Variants in CFAP44 observed in about 807,000 individuals in gnomAD.
CFAP44 encodes the protein cilia- and flagella-associated protein 44.
A neutral mutation model predicts 216.2 loss-of-function variants in CFAP44; 134 were observed. The ratio of observed to expected loss-of-function variants is 0.62; its 90% CI spans 0.54 to 0.72. CFAP44 has a LOEUF of 0.72. Among genes scored for constraint, CFAP44 ranks in the 30% least tolerant of loss-of-function variants. The pLI is 0.00. For synonymous variants in CFAP44, 700 were observed against 727.6 expected (o/e 0.96, Z 0.61); for missense variants, 2,035 against 2,182.1 (o/e 0.93, Z 1.34).
chr3:113,398,646 C>G (rs918856507), intron 13 of CFAP44, among the ~76,000 whole-genome samples: 1 of 152,196 alleles, frequency 6.6e-6, no homozygotes, highest in Non-Finnish European at 1.5e-5. Flanking sequence ...CTAGCCTCAT[C>G]ATGAAGATGG....
At chr3:113,352,045 G>A (rs754832526) in intron 22 of CFAP44, among the ~76,000 whole-genome samples, 2 of 152,088 alleles carry the variant, frequency 1.3e-5, no homozygotes. Context: ...AACAGCAGTT[G>A]GGGTGTCCTG....
At position 113,291,346 on chromosome 3, in the gene CFAP44, T is replaced by C. The variant is rs1356717189; in HGVS notation, c.*211A>G. ...GTAGGTTCGAAACATCTAAAATGATTCAGTTTCATAACAGAGGTTGGGTGC... is the reference window on the plus strand; with the variant it reads ...GTAGGTTCGAAACATCTAAAATGATCCAGTTTCATAACAGAGGTTGGGTGC... On this transcript the variant is annotated 3_prime_UTR_variant, in exon 35 of 35. Coordinates refer to ENST00000393845, the MANE Select transcript of CFAP44 (RefSeq NM_001164496.2). 1.3e-4 allele frequency: 66 copies of C among 524,312 alleles called. No individual in the cohort carries two copies. The highest frequency in any genetic ancestry group is 6.4e-5 in the Non-Finnish European group (19 of 298,670). The allele number at this position is 524,312 out of a possible 1,614,324, so 32.5% of individuals were successfully genotyped here.
chr3:113,338,073 G>C (rs1216609184), intron 24 of CFAP44, among the ~76,000 whole-genome samples: 1 of 151,624 alleles, frequency 6.6e-6, no homozygotes, highest in Non-Finnish European at 1.5e-5. Flanking sequence ...AACCAGCCTG[G>C]CCAACATGAT....
chr3:113,434,175 T>C (rs942657939), intron 1 of CFAP44, among the ~76,000 whole-genome samples: 3 of 152,106 alleles, frequency 2.0e-5, no homozygotes, highest in Non-Finnish European at 4.4e-5. Context: ...TTTATAAAGA[T>C]AGATATTAAA....
intron 15 of CFAP44, among the ~76,000 whole-genome samples, chr3:113,383,144 A>C (rs1933558335): frequency 6.6e-6 from 1 of 152,248 alleles, no homozygotes; most frequent in Non-Finnish European, 1.5e-5. Flanking sequence ...AGAGGGATAA[A>C]GGAAATCAGG....
Position 113,287,467 on chromosome 3 carries a change from ATG to A in CFAP44, c.*4088_*4089del, listed in dbSNP as rs1188468883. ...TTCCCTGTAACCTTCAAACTGAGTC[ATG>A]TGTGAGTCAGCATTTTCTTTACATG... is the stretch of plus-strand genomic sequence containing the variant. On this transcript the variant is annotated 3_prime_UTR_variant, in exon 35 of 35. Transcript: ENST00000393845. The A allele has an allele frequency of 6.5e-6, 1 of 153,048 alleles. No homozygotes were observed. The highest frequency in any genetic ancestry group is 1.5e-5 in the Non-Finnish European group (1 of 68,342). 9.5% of individuals were successfully genotyped at this position (153,048 alleles called of 1,614,324 possible).
chr3:113,414,637 G>A (rs1357693669), intron 6 of CFAP44, among the ~76,000 whole-genome samples: 1 of 152,106 alleles, frequency 6.6e-6, no homozygotes, highest in Admixed American at 6.6e-5. Flanking sequence ...TTTGTCTTTG[G>A]TTCTGTTTAT....
At chr3:113,344,443 G>T (rs974283757) in intron 23 of CFAP44, 73 bp downstream of exon 23, 2 of 1,332,792 alleles carry the variant, frequency 1.5e-6, no homozygotes, top group Non-Finnish European at 2.0e-6. Flanking sequence ...AGGTTCAATG[G>T]TTCTGTCCAC....
At chr3:113,374,962 A>G (rs1933293705) in intron 17 of CFAP44, among the ~76,000 whole-genome samples, 2 of 152,188 alleles carry the variant, frequency 1.3e-5, no homozygotes, top group African/African-American at 4.8e-5. Context: ...GACTGAGTAT[A>G]TAAGCAAAAT....
In CFAP44 at chr3:113,352,410, C is replaced by G. The variant is rs117239166; in HGVS notation, c.3065+6335G>C. Among the ~76,000 whole-genome samples, 137 of 152,300 alleles carry G rather than the reference C, an allele frequency of 9.0e-4. 1 individual carries two copies. The East Asian group carries it at 0.024, about 27-fold the overall frequency. On this transcript the variant is annotated intron_variant, in intron 22 of 34. Transcript: ENST00000393845. ...TTTGGGTCTGCACCACCTTTAAGAG[C>G]TGTAAACACTTGCTGCAAAAGTCTG...
intron 28 of CFAP44, 75 bp from the exon 29 acceptor site, chr3:113,308,343 A>G: frequency 8.5e-7 from 1 of 1,178,608 alleles, no homozygotes; most frequent in Non-Finnish European, 1.2e-6. Flanking sequence ...AAAGTAAACT[A>G]TTTTTCAATG....
At chr3:113,375,713 C>T (rs1191940151) in intron 17 of CFAP44, among the ~76,000 whole-genome samples, 1 of 152,086 alleles carries the variant, frequency 6.6e-6, no homozygotes, top group Non-Finnish European at 1.5e-5. Context: ...CTCAGCTACT[C>T]GGGAAGCTAA....
chr3:113,400,581 G>T lies in CFAP44; in HGVS notation c.1438C>A (p.Pro480Thr). The T allele has an allele frequency of 6.2e-7, 1 of 1,610,290 alleles. No individual in the cohort carries two copies. The change falls in exon 12 of 35, where the codon CCT becomes ACT. Residue 480 changes from proline (P) to threonine (T), a missense_variant. Physicochemically the swap from Pro to Thr is conservative, Grantham distance 38. Coordinates refer to ENST00000393845, the MANE Select transcript of CFAP44 (RefSeq NM_001164496.2). ...GTTGTGGCCATGAGATAAGTGAGAGGAGAAACAGCCACGGCTTCAATAGCT... is the reference window on the plus strand; with the variant it reads ...GTTGTGGCCATGAGATAAGTGAGAGTAGAAACAGCCACGGCTTCAATAGCT... The part of the protein sequence containing the change: ...SGAIEAVAVS[P>T]LTYLMATTAL...
rs114834190 is a variant in CFAP44, at chr3:113,392,550, A to C, written c.1890+3200T>G. On this transcript the variant is annotated intron_variant, in intron 15 of 34. Transcript: ENST00000393845. ...ACTTATTGCACATGTCAAAATAACTAAAAGAGTATGAGTGGATTGTTTGTA... is the reference window on the plus strand; with the variant it reads ...ACTTATTGCACATGTCAAAATAACTCAAAGAGTATGAGTGGATTGTTTGTA... 8.6e-3 allele frequency among the ~76,000 whole-genome samples: 1,303 copies of C among 152,294 alleles called. 21 individuals are homozygous for C. The highest frequency in any genetic ancestry group is 0.03 in the African/African-American group (1,246 of 41,550).
intron 18 of CFAP44, among the ~76,000 whole-genome samples, chr3:113,369,387 C>T (rs965989331): frequency 3.9e-5 from 6 of 152,192 alleles, no homozygotes; most frequent in African/African-American, 1.4e-4. Context: ...GTCTCTCAGA[C>T]CACAGTGCAA....
Position 113,427,191 on chromosome 3 carries a change from A to C in CFAP44, c.249T>G (p.Thr83=), listed in dbSNP as rs768898839. ...CAGAAAACTAATAATACCTACCTGT[A>C]GTGCTTTGCAAATCACCATACTGAA... The part of the protein sequence containing the change: ...SSFQYGDLQS[T]TVPQQTPAPA... Residue 83 remains threonine (T), a synonymous_variant, in exon 3 of 35, where the codon ACT becomes ACG. Coordinates refer to ENST00000393845, the MANE Select transcript of CFAP44 (RefSeq NM_001164496.2). 1 of 1,612,318 alleles carries C rather than the reference A, an allele frequency of 6.2e-7. No homozygotes were observed. The highest frequency in any genetic ancestry group is 1.1e-5 in the South Asian group (1 of 90,256).
intron 6 of CFAP44, among the ~76,000 whole-genome samples, chr3:113,414,151 C>T (rs1381291982): frequency 6.6e-6 from 1 of 152,100 alleles, no homozygotes; most frequent in Non-Finnish European, 1.5e-5. Flanking sequence ...CATGATTTGG[C>T]TCTCTGCTTG....
At chr3:113,301,529 G>T (rs1046262453) in intron 32 of CFAP44, among the ~76,000 whole-genome samples, 3 of 152,044 alleles carry the variant, frequency 2.0e-5, no homozygotes, top group African/African-American at 7.2e-5. Flanking sequence ...TATTTTAAAA[G>T]ATAATTATCT....
At chr3:113,361,037 G>T in intron 21 of CFAP44, 2 of 280,738 alleles carry the variant, frequency 7.1e-6, no homozygotes, top group East Asian at 1.0e-4. Context: ...TTGTTGCACA[G>T]GATTCCTGGC....
Sources: allele counts gnomAD v4.1 joint callset (sites outside exome capture counted in the v4.1 genomes callset), GRCh38; gene constraint gnomAD v4.1.1; transcripts MANE v1.5; gene names NCBI Gene and HGNC (gene_info 2026-07-23, HGNC 2026-07-21).